Variants in PDZD8 observed in about 807,000 individuals in gnomAD.
PDZD8 encodes PDZ domain containing 8, also known as PDZ domain-containing protein 8.
Under a neutral mutation model 85.8 loss-of-function variants are expected in PDZD8, and 14 were observed. The observed-to-expected ratio is 0.16, with a 90% confidence interval of 0.11 to 0.26. The LOEUF is 0.26. Among genes scored for constraint, PDZD8 ranks in the 10% least tolerant of loss-of-function variants. PDZD8 has a pLI of 1.00. For synonymous variants in PDZD8, 592 were observed against 568.6 expected (o/e 1.04, Z -0.59); for missense variants, 1,197 against 1,424.3 (o/e 0.84, Z 2.57).
At chr10:117,371,208 G>A (rs1163610790) in intron 1 of PDZD8, among the ~76,000 whole-genome samples, 1 of 152,000 alleles carries the variant, frequency 6.6e-6, no homozygotes, top group Non-Finnish European at 1.5e-5. Flanking sequence ...TTTTGGAGAC[G>A]GAGTCTCACC....
chr10:117,320,931 T>C (rs1204038129), intron 2 of PDZD8, among the ~76,000 whole-genome samples: 1 of 152,134 alleles, frequency 6.6e-6, no homozygotes. Context: ...CATTAGCCAT[T>C]GAAGAAGGGC....
Position 117,279,829 on chromosome 10 carries a change from A to C in PDZD8, c.*3439T>G, listed in dbSNP as rs1218403761. The C allele has an allele frequency of 6.6e-6, 1 of 152,198 alleles. No individual in the cohort carries two copies. The highest frequency in any genetic ancestry group is 1.5e-5 in the Non-Finnish European group (1 of 68,030). The allele number at this position is 152,198 out of a possible 1,614,324, so 9.4% of individuals were successfully genotyped here. ...CCCATGGGTATCTTCCTGCGGTGAA[A>C]GTCCACATCTTTAATCAGATCCTAA... On this transcript the variant is annotated 3_prime_UTR_variant, in exon 5 of 5. Transcript: ENST00000334464.
In PDZD8 at chr10:117,283,287, C is replaced by T. The variant is rs980670828; in HGVS notation, c.3446G>A (p.Gly1149Asp). Residue 1149 changes from glycine (G) to aspartate (D), a missense_variant, in exon 5 of 5, where the codon GGC becomes GAC. Gly to Asp is a moderately conservative substitution (Grantham distance 94). Transcript: ENST00000334464. The part of the protein sequence containing the change: ...PFSSISDDLF[G>D]PSESV ...TGTCTGCTACACAGACTCGGATGGGCCAAATAAGTCATCTGATATGCTGCT... is the reference window on the plus strand; with the variant it reads ...TGTCTGCTACACAGACTCGGATGGGTCAAATAAGTCATCTGATATGCTGCT... 3 of 1,612,072 alleles carry T rather than the reference C, an allele frequency of 1.9e-6. No homozygotes were observed. The highest frequency in any genetic ancestry group is 2.5e-6 in the Non-Finnish European group (3 of 1,179,418).
At chr10:117,341,474 T>C (rs112294120) in intron 1 of PDZD8, among the ~76,000 whole-genome samples, 28 of 152,278 alleles carry the variant, frequency 1.8e-4, no homozygotes, top group African/African-American at 6.7e-4. Context: ...GGAAATAATA[T>C]ACAGTCCCCT....
rs1327803925 is a variant in PDZD8, at chr10:117,374,994, C to G, written c.234G>C (p.Ala78=). ...GGGTCTCGGGGGCCGCGGTGGGGGT[C>G]GCGCCGCCCTCAGGGGCCGCTCCGG... ...EPSGAAPEGG[A]TPTAAPETPA... The change falls in exon 1 of 5, where the codon GCG becomes GCC. Residue 78 remains alanine (A), a synonymous_variant. Transcript: ENST00000334464. The surrounding 1 kb of genome is among the most constrained non-coding windows in gnomAD (Gnocchi z 7.8). 6.3e-7 allele frequency: 1 copy of G among 1,592,060 alleles called. No individual in the cohort carries two copies. The highest frequency in any genetic ancestry group is 1.8e-5 in the Admixed American group (1 of 57,120).
intron 1 of PDZD8, among the ~76,000 whole-genome samples, chr10:117,344,426 C>T (rs550906209): frequency 1.3e-4 from 20 of 152,224 alleles, no homozygotes; most frequent in Admixed American, 3.9e-4. Context: ...CTCAATTTGT[C>T]GCCCAGGCTG....
rs1411587006 is a variant in PDZD8 at position 117,282,974 on chromosome 10, A to C, written c.*294T>G. 3 of 317,690 alleles carry C rather than the reference A, an allele frequency of 9.4e-6. No individual in the cohort carries two copies. Among genetic ancestry groups the C allele is most frequent in the Non-Finnish European group, 1.7e-5 (3 of 175,356 alleles). The allele number at this position is 317,690 out of a possible 1,614,324, so 19.7% of individuals were successfully genotyped here. ...CACAAGGGGACACCATACATACATA[A>C]ACATGAAAAGCTAGCTTACATAATT... On this transcript the variant is annotated 3_prime_UTR_variant, in exon 5 of 5. Transcript: ENST00000334464.
intron 4 of PDZD8, among the ~76,000 whole-genome samples, chr10:117,289,729 C>G (rs1844723240): frequency 6.6e-6 from 1 of 152,162 alleles, no homozygotes; most frequent in Admixed American, 6.5e-5. Flanking sequence ...TTCAGATGTG[C>G]CCTCCTGGAA....
chr10:117,335,707 A>T (rs1367218917), intron 2 of PDZD8, among the ~76,000 whole-genome samples: 1 of 152,200 alleles, frequency 6.6e-6, no homozygotes, highest in Non-Finnish European at 1.5e-5. Flanking sequence ...GAGGAAAAAC[A>T]AGTCTAAATA....
chr10:117,348,822 T>C (rs1211355791), intron 1 of PDZD8, among the ~76,000 whole-genome samples: 2 of 152,218 alleles, frequency 1.3e-5, no homozygotes, highest in African/African-American at 4.8e-5. Context: ...AAAACTCATA[T>C]GTAACTCCAG....
Position 117,373,604 on chromosome 10 carries a change from C to CAAAAAAA in PDZD8, c.872+745_872+751dup, listed in dbSNP as rs796930758. Among the ~76,000 whole-genome samples, 16 of 52,428 alleles carry CAAAAAAA rather than the reference C, an allele frequency of 3.1e-4. 1 individual carries two copies. Among genetic ancestry groups the CAAAAAAA allele is most frequent in the African/African-American group, 9.4e-4 (14 of 14,912 alleles). The allele number at this position is 52,428 out of a possible 152,430, so 34.4% of individuals were successfully genotyped here. A position where few individuals can be genotyped will look rare whatever the true frequency, so the allele number is the denominator to read the frequency against. ...GAAACTCCGTCTCTACTAAAAAATA[C>CAAAAAAA]AAAAAAAAAAAAAAAAAAAAAAAAA... On this transcript the variant is annotated intron_variant, in intron 1 of 4. Coordinates refer to ENST00000334464, the MANE Select transcript of PDZD8 (RefSeq NM_173791.5).
chr10:117,333,130 A>AAAAAAAAAC lies in PDZD8; in HGVS notation c.995+7849_995+7850insGTTTTTTTT, dbSNP rs1589572962. On this transcript the variant is annotated intron_variant, in intron 2 of 4. Coordinates refer to ENST00000334464, the MANE Select transcript of PDZD8 (RefSeq NM_173791.5). ...TGGACTCTGTCTCAAAAAAAAAAAA[A>AAAAAAAAAC]AAAAAAAAAAAAAGGGGATATGGAG... 7.4e-5 allele frequency among the ~76,000 whole-genome samples: 11 copies of AAAAAAAAAC among 149,136 alleles called. No homozygotes were observed. The East Asian group carries it at 9.8e-4, about 13-fold the overall frequency.
Position 117,375,137 on chromosome 10 carries a change from G to T in PDZD8, c.91C>A (p.Pro31Thr). The T allele has an allele frequency of 1.3e-6, 2 of 1,590,166 alleles. No individual in the cohort carries two copies. Among genetic ancestry groups the T allele is most frequent in the Non-Finnish European group, 1.7e-6 (2 of 1,174,384 alleles). ...GCGGCCTCGTCCGCCGGCGGCTCGGGCTGTCTGCGGTACAGCAGGAAGAAC... is the reference window on the plus strand; with the variant it reads ...GCGGCCTCGTCCGCCGGCGGCTCGGTCTGTCTGCGGTACAGCAGGAAGAAC... ...AQFFLLYRRQ[P>T]EPPADEAARA... Residue 31 changes from proline (P) to threonine (T), a missense_variant, in exon 1 of 5, where the codon CCC (proline) becomes ACC (threonine). By Grantham distance (38) the Pro-to-Thr change is conservative. Around this residue, in one of 4 missense-constraint regions of PDZD8, gnomAD observed 172 missense variants for 137.8 expected, o/e 1.25. Transcript: ENST00000334464.
chr10:117,290,317 A>G lies in PDZD8; in HGVS notation c.1130T>C (p.Val377Ala), dbSNP rs141919572. 3.1e-6 allele frequency: 5 copies of G among 1,603,900 alleles called. No individual in the cohort carries two copies. Among genetic ancestry groups the G allele is most frequent in the Non-Finnish European group, 4.3e-6 (5 of 1,176,364 alleles). ...VELIKGNLQS[V>A]GLTLRLVQST... ...CTGGACAAGACGAAGTGTAAGTCCAACACTTTGTAAATTTCCTTTTATTAA... is the reference window on the plus strand; with the variant it reads ...CTGGACAAGACGAAGTGTAAGTCCAGCACTTTGTAAATTTCCTTTTATTAA... Residue 377 changes from valine to alanine, a missense_variant, in exon 4 of 5, where the codon GTT (valine) becomes GCT (alanine). Physicochemically the swap from Val to Ala is moderately conservative, Grantham distance 64 (BLOSUM62 0). Around this residue, in one of 4 missense-constraint regions of PDZD8, gnomAD observed 344 missense variants for 453.6 expected, o/e 0.76. Coordinates refer to ENST00000334464, the MANE Select transcript of PDZD8 (RefSeq NM_173791.5).
intron 1 of PDZD8, among the ~76,000 whole-genome samples, chr10:117,352,230 G>A (rs532248190): frequency 6.6e-6 from 1 of 152,142 alleles, no homozygotes; most frequent in Non-Finnish European, 1.5e-5. Context: ...AGAGAGAAAG[G>A]TTTTACTACA....
At chr10:117,307,688 C>T (rs76331783) in intron 3 of PDZD8, among the ~76,000 whole-genome samples, 2,748 of 152,144 alleles carry the variant, frequency 0.018, 97 homozygotes, top group African/African-American at 0.064. Flanking sequence ...AACCAACATG[C>T]TTACAAATGG....
intron 1 of PDZD8, among the ~76,000 whole-genome samples, chr10:117,352,907 CAG>C (rs1844831033): frequency 1.3e-5 from 2 of 151,982 alleles, no homozygotes; most frequent in Non-Finnish European, 2.9e-5. Flanking sequence ...GGCCAGCTAA[CAG>C]GGGCTTGCTG....
chr10:117,293,802 T>C (rs984588434), intron 3 of PDZD8, among the ~76,000 whole-genome samples: 4 of 152,104 alleles, frequency 2.6e-5, no homozygotes, highest in African/African-American at 9.7e-5. Flanking sequence ...TTCACCAGGA[T>C]GTAGAAGGTC....
chr10:117,297,916 T>C (rs1843783051), intron 3 of PDZD8, among the ~76,000 whole-genome samples: 1 of 152,118 alleles, frequency 6.6e-6, no homozygotes, highest in East Asian at 1.9e-4. Flanking sequence ...TATATGCCAG[T>C]TTTTGTCCTA....
Sources: allele counts gnomAD v4.1 joint callset (sites outside exome capture counted in the v4.1 genomes callset), GRCh38; gene constraint gnomAD v4.1.1; regional missense constraint gnomAD v4.1.1; non-coding constraint Gnocchi (gnomAD v3.1); transcripts MANE v1.5; gene names NCBI Gene and HGNC (gene_info 2026-07-23, HGNC 2026-07-21).